Variants in CAPRIN2 observed in about 807,000 individuals in gnomAD.
CAPRIN2 encodes caprin family member 2, also known as caprin-2.
Under a neutral mutation model 130.4 loss-of-function variants are expected in CAPRIN2, and 66 were observed. The ratio of observed to expected loss-of-function variants is 0.51; its 90% CI spans 0.42 to 0.62. The LOEUF is 0.62. Ranked by LOEUF, CAPRIN2 falls within the 20% of genes least tolerant of loss-of-function variation. The probability of loss-of-function intolerance (pLI) is 0.00; values close to 1 mark genes in which losing one functional copy is unlikely to be tolerated. For missense variants in CAPRIN2, 1,185 were observed against 1,246.6 expected, an observed-to-expected ratio of 0.95 and a Z score of 0.74; for synonymous variants, 471 against 444.1, an observed-to-expected ratio of 1.06 and a Z score of -0.76.
chr12:30,747,613 G>A (rs1368626253), intron 2 of CAPRIN2, among the ~76,000 whole-genome samples: 7 of 151,742 alleles, frequency 4.6e-5, no homozygotes, highest in African/African-American at 1.7e-4. Flanking sequence ...GGAGGTGGAG[G>A]TTGCGGTGAG....
chr12:30,740,285 A>T (rs28588311), intron 3 of CAPRIN2, among the ~76,000 whole-genome samples: 1 of 151,772 alleles, frequency 6.6e-6, no homozygotes, highest in Non-Finnish European at 1.5e-5. Context: ...ATAATAAAAA[A>T]ATATAAATTT....
rs899427179 is a variant in CAPRIN2, at chr12:30,753,910, T to A, written c.-147A>T. 7.1e-6 allele frequency: 5 copies of A among 703,226 alleles called. No homozygotes were observed. In the Admixed American group the frequency reaches 1.4e-4, roughly 19 times the overall value. The allele number at this position is 703,226 out of a possible 1,614,324, so 43.6% of individuals were successfully genotyped here. A position where few individuals can be genotyped will look rare whatever the true frequency, so the allele number is the denominator to read the frequency against. ...CGGCTTCAGAGCTCCTTTCTTCTCA[T>A]GAGGGCAGATCACATTCTAAATAAT... On this transcript the variant is annotated 5_prime_UTR_variant, in exon 1 of 17. Coordinates refer to ENST00000298892, the Ensembl canonical transcript of CAPRIN2.
At chr12:30,728,570 AG>A in intron 8 of CAPRIN2, 77 bp downstream of exon 9, 15 of 1,245,180 alleles carry the variant, frequency 1.2e-5, no homozygotes, top group South Asian at 4.6e-5. Flanking sequence ...AAAAAAAAAA[AG>A]AGAACTAAAA....
chr12:30,727,821 T>C (rs1429956295), intron 8 of CAPRIN2, among the ~76,000 whole-genome samples: 1 of 152,238 alleles, frequency 6.6e-6, no homozygotes, highest in Non-Finnish European at 1.5e-5. Context: ...AGAGAACTAA[T>C]TCAAATCCTT....
chr12:30,714,899 G>A, intron 14 of CAPRIN2, 60 bp downstream of exon 16: 1 of 1,380,020 alleles, frequency 7.2e-7, no homozygotes, highest in Non-Finnish European at 1.0e-6. Context: ...AAAATGGTGT[G>A]AGTCAAGTAA....
intron 12 of CAPRIN2, chr12:30,719,859 T>C (rs190238597): frequency 6.6e-6 from 1 of 152,278 alleles, no homozygotes; most frequent in East Asian, 1.9e-4. Context: ...TGAGATAATT[T>C]AAATTCAGAT....
chr12:30,718,863 G>A (rs1055099505), intron 12 of CAPRIN2, among the ~76,000 whole-genome samples: 14 of 152,126 alleles, frequency 9.2e-5, no homozygotes, highest in Admixed American at 9.2e-4. Context: ...AAGGAATAAT[G>A]CTCTGATAAA....
intron 15 of CAPRIN2, 41 bp from the exon 18 acceptor site, chr12:30,711,670 C>A: frequency 1.3e-6 from 2 of 1,521,296 alleles, no homozygotes; most frequent in Middle Eastern, 1.7e-4. Flanking sequence ...ATCAAAAATG[C>A]AGGACTATAA....
At chr12:30,720,630 T>C (rs2059122985) in intron 12 of CAPRIN2, 181 bp downstream of exon 13, 2 of 515,640 alleles carry the variant, frequency 3.9e-6, no homozygotes, top group Non-Finnish European at 7.0e-6. Flanking sequence ...AATCTATTTA[T>C]ATGGCAAAGC....
intron 8 of CAPRIN2, among the ~76,000 whole-genome samples, chr12:30,726,783 ATAAG>A (rs2061066949): frequency 6.6e-6 from 1 of 152,224 alleles, no homozygotes; most frequent in Non-Finnish European, 1.5e-5. Context: ...TTAAGAGACC[ATAAG>A]TGAGTACATA....
At chr12:30,737,518 T>C (rs1217093960) in intron 3 of CAPRIN2, among the ~76,000 whole-genome samples, 1 of 152,114 alleles carries the variant, frequency 6.6e-6, no homozygotes, top group East Asian at 1.9e-4. Flanking sequence ...TGGGTTACAT[T>C]GTTCTCTTTT....
chr12:30,722,191 T>C (rs2059617455), intron 11 of CAPRIN2, among the ~76,000 whole-genome samples: 1 of 152,224 alleles, frequency 6.6e-6, no homozygotes, highest in Non-Finnish European at 1.5e-5. Flanking sequence ...TGATGGCAGT[T>C]CCTGCTTCCA....
intron 2 of CAPRIN2, among the ~76,000 whole-genome samples, chr12:30,747,143 C>T (rs1428696294): frequency 6.6e-6 from 1 of 152,100 alleles, no homozygotes; most frequent in African/African-American, 2.4e-5. Flanking sequence ...AATAACAAAG[C>T]CTGGATGATA....
intron 1 of CAPRIN2, among the ~76,000 whole-genome samples, chr12:30,751,907 G>GTT (rs1565723364): frequency 8.1e-6 from 1 of 123,538 alleles, no homozygotes. Context: ...ACCCACTATG[G>GTT]TATTTTTTTT....
chr12:30,728,615 C>CT, intron 8 of CAPRIN2, 33 bp downstream of exon 9: 1 of 1,513,926 alleles, frequency 6.6e-7, no homozygotes, highest in South Asian at 1.3e-5. Flanking sequence ...TATGCCTACA[C>CT]TTACAGAAGC....
chr12:30,709,831 G>C, exon 17 of CAPRIN2: 1 of 1,499,044 alleles, frequency 6.7e-7, no homozygotes, highest in Non-Finnish European at 9.0e-7. Flanking sequence ...AGTCATGAGG[G>C]CAAAGACTAC....
chr12:30,725,975 G>A, exon 9 of CAPRIN2: 4 of 1,589,882 alleles, frequency 2.5e-6, no homozygotes, highest in Middle Eastern at 1.7e-4. Context: ...CTTGCATAAA[G>A]TTACAAGTTC....
At chr12:30,754,927 A>T (rs1056168720), upstream of CAPRIN2, 1 of 151,874 alleles carries the variant, frequency 6.6e-6, no homozygotes, top group Non-Finnish European at 1.5e-5. Flanking sequence ...CCAGAGACCC[A>T]GCCGACTCAG....
chr12:30,730,762 T>C (rs183223489), intron 6 of CAPRIN2, among the ~76,000 whole-genome samples: 11 of 152,260 alleles, frequency 7.2e-5, no homozygotes, highest in Admixed American at 7.2e-4. Flanking sequence ...ACATGGAAAA[T>C]GGTTTCGCTC....
Sources: gnomAD v4.1 joint callset for allele counts (sites outside exome capture counted in the v4.1 genomes callset) on GRCh38, gnomAD v4.1.1 for gene constraint, MANE v1.5 for transcripts, NCBI Gene and HGNC (gene_info 2026-07-23, HGNC 2026-07-21) for gene names.